DMPK: variants seen among roughly 807,000 people sequenced by gnomAD.
DMPK encodes the protein myotonin-protein kinase.
Under a neutral mutation model 70.3 loss-of-function variants are expected in DMPK, and 32 were observed. That is an observed-to-expected ratio of 0.46 (90% CI 0.34 to 0.61). DMPK has a LOEUF of 0.61. Among genes scored for constraint, DMPK ranks in the 20% least tolerant of loss-of-function variants. The pLI is 0.01. For synonymous variants in DMPK, 469 were observed against 390.9 expected (o/e 1.20, Z -2.36); for missense variants, 899 against 886.0 (o/e 1.01, Z -0.19).
chr19:45,779,817 G>T lies in DMPK; in HGVS notation c.213C>A (p.Phe71Leu). 1 of 1,585,182 alleles carries T rather than the reference G, an allele frequency of 6.3e-7. No homozygotes were observed. The highest frequency in any genetic ancestry group is 8.6e-7 in the Non-Finnish European group (1 of 1,163,534). The change falls in exon 2 of 15, where the codon TTC becomes TTA. Residue 71 changes from phenylalanine to leucine, a missense_variant. Coordinates refer to ENST00000291270, the MANE Select transcript of DMPK (RefSeq NM_004409.5). Reference sequence around the variant, plus strand: ...CGCGTCCGATCACCTTCAGAATCTCGAAGTCGTCCCTCTGCAGTCGGACCT... The same window carrying T: ...CGCGTCCGATCACCTTCAGAATCTCTAAGTCGTCCCTCTGCAGTCGGACCT... ...LKEVRLQRDD[F>L]EILKVIGRGA...
At chr19:45,772,059 T>C (rs1218497658) in intron 10 of DMPK, 131 bp from the exon 11 acceptor site, 1 of 1,239,154 alleles carries the variant, frequency 8.1e-7, no homozygotes, top group Non-Finnish European at 1.1e-6. Flanking sequence ...GGAATCCCCA[T>C]AGCTCCTGCA....
chr19:45,771,178 A>C, intron 13 of DMPK, 118 bp from the exon 14 acceptor site: 1 of 1,170,316 alleles, frequency 8.5e-7, no homozygotes, highest in Non-Finnish European at 1.2e-6. Flanking sequence ...CCCGGAGGGA[A>C]TCTGGTGAGG....
Position 45,774,850 on chromosome 19 carries a change from C to T in DMPK, c.1232+99G>A, listed in dbSNP as rs537474918. ...TCTTTGGGCCCAAAACAGTAAGGTTCCAAGACTGATCCTGCAACTCCATTG... is the reference window on the plus strand; with the variant it reads ...TCTTTGGGCCCAAAACAGTAAGGTTTCAAGACTGATCCTGCAACTCCATTG... On this transcript the variant is annotated intron_variant, in intron 9 of 14. Coordinates refer to ENST00000291270, the MANE Select transcript of DMPK (RefSeq NM_004409.5). 10 of 960,654 alleles carry T rather than the reference C, an allele frequency of 1.0e-5. No individual in the cohort carries two copies. The East Asian group carries it at 2.2e-4, about 21-fold the overall frequency. 59.5% of individuals were successfully genotyped at this position (960,654 alleles called of 1,614,324 possible).
rs752828192 is a variant in DMPK at position 45,779,830 on chromosome 19, T to C, written c.200A>G (p.Gln67Arg). The C allele has an allele frequency of 3.8e-6, 6 of 1,596,174 alleles. No individual in the cohort carries two copies. In the South Asian group the frequency reaches 6.7e-5, roughly 18 times the overall value. The change falls in exon 2 of 15, where the codon CAG (glutamine) becomes CGG (arginine). Residue 67 changes from glutamine to arginine, a missense_variant. Transcript: ENST00000291270. Reference protein sequence around the residue: ...IVVRLKEVRLQRDDFEILKVI... With the variant: ...IVVRLKEVRLRRDDFEILKVI... ...CTTCAGAATCTCGAAGTCGTCCCTCTGCAGTCGGACCTCCTTAAGCCTCAC... is the reference window on the plus strand; with the variant it reads ...CTTCAGAATCTCGAAGTCGTCCCTCCGCAGTCGGACCTCCTTAAGCCTCAC...
Position 45,770,287 on chromosome 19 carries a change from T to G in DMPK, c.*201A>C. 1.3e-6 allele frequency: 1 copy of G among 755,820 alleles called. No homozygotes were observed. Among genetic ancestry groups the G allele is most frequent in the African/African-American group, 2.1e-5 (1 of 48,406 alleles). The allele number at this position is 755,820 out of a possible 1,614,324, so 46.8% of individuals were successfully genotyped here. The stretch of plus-strand genomic sequence containing the variant: ...CAGCATTCCCGGCTACAAGGACCCT[T>G]CGAGCCCCGTTCGCCGGCCGCGGAC... On this transcript the variant is annotated 3_prime_UTR_variant, in exon 15 of 15. Coordinates refer to ENST00000291270, the MANE Select transcript of DMPK (RefSeq NM_004409.5).
At position 45,779,476 on chromosome 19, in the gene DMPK, T is replaced by C; in HGVS notation, c.299A>G (p.Lys100Arg). The C allele has an allele frequency of 6.2e-7, 1 of 1,613,926 alleles. No homozygotes were observed. The highest frequency in any genetic ancestry group is 1.7e-5 in the Admixed American group (1 of 60,022). Residue 100 changes from lysine to arginine, a missense_variant, in exon 3 of 15, where the codon AAG (lysine) becomes AGG (arginine). Physicochemically the swap from Lys to Arg is conservative, Grantham distance 26 (BLOSUM62 2). Around this residue, in one of 3 missense-constraint regions of DMPK, gnomAD observed 149 missense variants for 142.5 expected, o/e 1.05. Coordinates refer to ENST00000291270, the MANE Select transcript of DMPK (RefSeq NM_004409.5). Reference sequence around the variant, plus strand: ...CAGCATGTCCCACTTGTTCATGATCTTCATGGCATACACCTGGCCCGTCTG... The same window carrying C: ...CAGCATGTCCCACTTGTTCATGATCCTCATGGCATACACCTGGCCCGTCTG... ...MKQTGQVYAM[K>R]IMNKWDMLKR...
At chr19:45,774,688 A>G (rs1969677997) in intron 9 of DMPK, among the ~76,000 whole-genome samples, 1 of 152,194 alleles carries the variant, frequency 6.6e-6, no homozygotes, top group African/African-American at 2.4e-5. Context: ...GGCTCTGTGT[A>G]CTACAGACGT....
rs1970045866 is a variant in DMPK at position 45,780,303 on chromosome 19, C to T, written c.161-434G>A. 3.9e-6 allele frequency: 6 copies of T among 1,557,562 alleles called. No individual in the cohort carries two copies. The South Asian group carries it at 4.6e-5, about 12-fold the overall frequency. On this transcript the variant is annotated intron_variant, in intron 1 of 14. Coordinates refer to ENST00000291270, the MANE Select transcript of DMPK (RefSeq NM_004409.5). ...AGAATGTCCTGGGTAACGGCCCAGA[C>T]GTGGGGTTGTATCCAGTACCTCTAG...
Position 45,777,901 on chromosome 19 carries a change from T to C in DMPK, c.676-28A>G, listed in dbSNP as rs1969869842. On this transcript the variant is annotated intron_variant, in intron 6 of 14. Coordinates refer to ENST00000291270, the MANE Select transcript of DMPK (RefSeq NM_004409.5). This position sits in a 1 kb window ranked among gnomAD's most constrained non-coding sequence, Gnocchi z 6.7. ...GGACCAAAAGGAGCAGAGCGAGGCT[T>C]GGGCCCACCCCTCTGGGCCCACCAG... The C allele has an allele frequency of 2.5e-6, 4 of 1,585,870 alleles. No individual in the cohort carries two copies. Among genetic ancestry groups the C allele is most frequent in the Non-Finnish European group, 3.4e-6 (4 of 1,168,440 alleles).
intron 9 of DMPK, among the ~76,000 whole-genome samples, chr19:45,773,720 A>C (rs1335195456): frequency 6.6e-6 from 1 of 152,168 alleles, no homozygotes; most frequent in Non-Finnish European, 1.5e-5. Context: ...TGGCTCACTG[A>C]AGCCTCAAAC....
Position 45,771,017 on chromosome 19 carries a change from A to T in DMPK, c.1691T>A (p.Val564Glu). Residue 564 changes from valine to glutamate, a missense_variant, in exon 14 of 15, where the codon GTG (valine) becomes GAG (glutamate). Val to Glu is a moderately radical substitution (Grantham distance 121). Around this residue, in one of 3 missense-constraint regions of DMPK, gnomAD observed 555 missense variants for 483.8 expected, o/e 1.15. Transcript: ENST00000291270. Reference protein sequence around the residue: ...PAVAVGQCPLVGPGPMHRRHL... With the variant: ...PAVAVGQCPLEGPGPMHRRHL... ...GCGGCGGTGCATGGGGCCTGGCCCC[A>T]CCAGCGGGCACTGGCCCACAGCCAC... The T allele has an allele frequency of 6.8e-7, 1 of 1,477,940 alleles. No homozygotes were observed. Among genetic ancestry groups the T allele is most frequent in the Non-Finnish European group, 8.9e-7 (1 of 1,117,938 alleles). 91.6% of individuals were successfully genotyped at this position (1,477,940 alleles called of 1,614,324 possible).
chr19:45,779,376 G>A lies in DMPK; in HGVS notation c.337-17C>T, dbSNP rs1879833331. ...GCACGACACCTGCAGGGCACCCGGA[G>A]GAGCTGCAGCCGGAGACGGGGCGCG... On this transcript the variant is annotated splice_polypyrimidine_tract_variant and intron_variant, in intron 3 of 14. Transcript: ENST00000291270. 1 of 1,614,046 alleles carries A rather than the reference G, an allele frequency of 6.2e-7. No individual in the cohort carries two copies. Among genetic ancestry groups the A allele is most frequent in the Non-Finnish European group, 8.5e-7 (1 of 1,180,012 alleles).
Position 45,771,670 on chromosome 19 carries a change from G to T in DMPK, c.1503-5C>A, listed in dbSNP as rs748152953. 3 of 1,613,880 alleles carry T rather than the reference G, an allele frequency of 1.9e-6. No individual in the cohort carries two copies. The Admixed American group carries it at 5.0e-5, about 27-fold the overall frequency. On this transcript the variant is annotated splice_polypyrimidine_tract_variant and splice_region_variant and intron_variant, in intron 11 of 14. Transcript: ENST00000291270. ...GCCTCTGCCTCGCGTAGTTGACTGT[G>T]GGGAGGTAAGGACGGTGAGTCCGTC...
chr19:45,777,738 T>A lies in DMPK; in HGVS notation c.811A>T (p.Met271Leu). The change falls in exon 7 of 15, where the codon ATG (methionine) becomes TTG (leucine). Residue 271 changes from methionine to leucine, a missense_variant. Transcript: ENST00000291270. The surrounding 1 kb of genome is among the most constrained non-coding windows in gnomAD (Gnocchi z 6.7). ...TAGAAGGGCGTCTGCCCATAGAACA[T>A]TTCATAGGCGAATACACCCAGCGCC... Reference protein sequence around the residue: ...WWALGVFAYEMFYGQTPFYAD... With the variant: ...WWALGVFAYELFYGQTPFYAD... 1 of 1,613,718 alleles carries A rather than the reference T, an allele frequency of 6.2e-7. No homozygotes were observed. Among genetic ancestry groups the A allele is most frequent in the Non-Finnish European group, 8.5e-7 (1 of 1,180,014 alleles).
At chr19:45,778,054 C>A in intron 6 of DMPK, 73 bp downstream of exon 6, 1 of 1,378,020 alleles carries the variant, frequency 7.3e-7, no homozygotes, top group East Asian at 2.5e-5. Flanking sequence ...AAATCCAGTC[C>A]CGCTCCCACA....
At position 45,777,472 on chromosome 19, in the gene DMPK, C is replaced by T. The variant is rs200267773; in HGVS notation, c.1001G>A (p.Arg334Gln). Residue 334 changes from arginine to glutamine, a missense_variant, in exon 8 of 15, where the codon CGG becomes CAG. Coordinates refer to ENST00000291270, the MANE Select transcript of DMPK (RefSeq NM_004409.5). The surrounding 1 kb of genome is among the most constrained non-coding windows in gnomAD (Gnocchi z 6.7). The part of the protein sequence containing the change: ...RLGRGGAGDF[R>Q]THPFFFGLDW... The stretch of plus-strand genomic sequence containing the variant: ...GAGGCCAAAGAAGAAGGGATGTGTC[C>T]GGAAGTCGCCTGCTCCACCCCGGCC... The T allele has an allele frequency of 7.2e-5, 116 of 1,613,324 alleles. No individual in the cohort carries two copies. In the Admixed American group the frequency reaches 1.2e-3, roughly 17 times the overall value.
chr19:45,780,304 G>T (rs529559215), intron 1 of DMPK: 5 of 1,558,426 alleles, frequency 3.2e-6, no homozygotes, highest in Non-Finnish European at 4.3e-6. Flanking sequence ...CGGCCCAGAC[G>T]TGGGGTTGTA....
At chr19:45,779,554 C>G in intron 2 of DMPK, 32 bp from the exon 3 acceptor site, 1 of 1,612,810 alleles carries the variant, frequency 6.2e-7, no homozygotes, top group South Asian at 1.1e-5. Flanking sequence ...AGAGTGGAGA[C>G]GGCGGGAAAA....
chr19:45,770,683 A>C, intron 14 of DMPK, 43 bp from the exon 15 acceptor site: 1 of 1,541,770 alleles, frequency 6.5e-7, no homozygotes, highest in Non-Finnish European at 8.8e-7. Context: ...TGGGCCTCTG[A>C]TTGGCTCCTG....
Sources: allele counts gnomAD v4.1 joint callset (sites outside exome capture counted in the v4.1 genomes callset), GRCh38; gene constraint gnomAD v4.1.1; regional missense constraint gnomAD v4.1.1; non-coding constraint Gnocchi (gnomAD v3.1); transcripts MANE v1.5; gene names NCBI Gene and HGNC (gene_info 2026-07-23, HGNC 2026-07-21).